ABCA12: variants seen among roughly 807,000 people sequenced by gnomAD.
ABCA12 encodes glucosylceramide transporter ABCA12.
In ABCA12, 156 loss-of-function variants were observed where a neutral mutation model predicts 293.5. That is an observed-to-expected ratio of 0.53 (90% CI 0.47 to 0.61). The LOEUF (loss-of-function observed/expected upper bound fraction) is 0.61. Among genes scored for constraint, ABCA12 ranks in the 20% least tolerant of loss-of-function variants. ABCA12 has a pLI of 0.00. For missense variants in ABCA12, 2,797 were observed against 3,090.2 expected, an observed-to-expected ratio of 0.91 and a Z score of 2.25; for synonymous variants, 1,063 against 1,108.0, an observed-to-expected ratio of 0.96 and a Z score of 0.81.
At chr2:215,090,759 T>C (rs1702126090) in intron 2 of ABCA12, among the ~76,000 whole-genome samples, 1 of 152,142 alleles carries the variant, frequency 6.6e-6, no homozygotes, top group Admixed American at 6.5e-5. Context: ...AAGTACCCAC[T>C]GCCCTCTCTC....
In ABCA12 at chr2:215,111,546, T is replaced by G. The variant is rs773417521; in HGVS notation, c.163+51A>C. On this transcript the variant is annotated intron_variant, in intron 2 of 52. Coordinates refer to ENST00000272895, the MANE Select transcript of ABCA12 (RefSeq NM_173076.3). ...AACACTAAAGTGGTACCAAAATAAA[T>G]TTTAACTAGAATCCAAAAATTAAGG... is the stretch of plus-strand genomic sequence containing the variant. 4 of 1,481,030 alleles carry G rather than the reference T, an allele frequency of 2.7e-6. No individual in the cohort carries two copies. The African/African-American group carries it at 5.5e-5, about 21-fold the overall frequency. 91.7% of individuals were successfully genotyped at this position (1,481,030 alleles called of 1,614,324 possible). A position where few individuals can be genotyped will look rare whatever the true frequency, so the allele number is the denominator to read the frequency against.
chr2:215,036,641 A>G (rs1701000506), intron 8 of ABCA12, among the ~76,000 whole-genome samples: 1 of 152,202 alleles, frequency 6.6e-6, no homozygotes, highest in Admixed American at 6.5e-5. Flanking sequence ...TTCAAATAAT[A>G]AGGTAGAAAT....
chr2:215,106,457 T>C (rs1702465771), intron 2 of ABCA12, among the ~76,000 whole-genome samples: 2 of 152,208 alleles, frequency 1.3e-5, no homozygotes, highest in Admixed American at 1.3e-4. Context: ...GTGACACCCA[T>C]GACCCAGATA....
intron 6 of ABCA12, among the ~76,000 whole-genome samples, chr2:215,047,761 G>C (rs1450705168): frequency 6.6e-6 from 1 of 152,098 alleles, no homozygotes; most frequent in Non-Finnish European, 1.5e-5. Context: ...ACAGGAAATG[G>C]TAAATATTTT....
chr2:215,000,628 C>T, intron 22 of ABCA12, 77 bp downstream of exon 22: 2 of 1,534,464 alleles, frequency 1.3e-6, no homozygotes, highest in East Asian at 2.2e-5. Context: ...TCATGTAATA[C>T]ATCTGAATGA....
At chr2:215,087,002 G>T (rs1390870740) in intron 2 of ABCA12, among the ~76,000 whole-genome samples, 1 of 151,736 alleles carries the variant, frequency 6.6e-6, no homozygotes, top group Non-Finnish European at 1.5e-5. Flanking sequence ...GAGTGCAATG[G>T]CGCAATCTTG....
chr2:214,978,250 G>C (rs2105961185), intron 33 of ABCA12, 66 bp downstream of exon 33: 2 of 1,580,144 alleles, frequency 1.3e-6, no homozygotes, highest in Non-Finnish European at 1.7e-6. Context: ...ATCAAAGTCT[G>C]TCTGTGATTT....
In ABCA12 at chr2:214,947,548, A is replaced by T. The variant is rs754933913; in HGVS notation, c.7113T>A (p.His2371Gln). The change falls in exon 48 of 53, where the codon CAT (histidine) becomes CAA (glutamine). Residue 2371 changes from histidine to glutamine, a missense_variant. Physicochemically the swap from His to Gln is conservative, Grantham distance 24. This residue lies in a region of ABCA12 where 2,130 missense variants were observed against 2,427.0 expected (regional missense o/e 0.88). Coordinates refer to ENST00000272895, the MANE Select transcript of ABCA12 (RefSeq NM_173076.3). ...TCAGGTGAAGTCTCCTAAGGAGTTT[A>T]TGAACAGTCTGTAGGCAATAAAAGG... The part of the protein sequence containing the change: ...IPEKDIKETV[H>Q]KLLRRLHLMP... 1.1e-5 allele frequency: 17 copies of T among 1,613,876 alleles called. No homozygotes were observed. Among genetic ancestry groups the T allele is most frequent in the African/African-American group, 8.0e-5 (6 of 75,038 alleles).
intron 31 of ABCA12, among the ~76,000 whole-genome samples, chr2:214,979,611 A>G (rs1231454433): frequency 6.6e-6 from 1 of 152,050 alleles, no homozygotes; most frequent in Non-Finnish European, 1.5e-5. Flanking sequence ...TTACTTATTG[A>G]TCGTATCATC....
chr2:215,127,392 C>T (rs1045455654), intron 1 of ABCA12, among the ~76,000 whole-genome samples: 5 of 152,084 alleles, frequency 3.3e-5, no homozygotes, highest in African/African-American at 7.2e-5. Context: ...CAGTGGAGTA[C>T]TGAAGTCCCC....
intron 15 of ABCA12, among the ~76,000 whole-genome samples, chr2:215,015,161 T>TA (rs1553533558): frequency 8.0e-6 from 1 of 124,960 alleles, no homozygotes; most frequent in African/African-American, 2.5e-5. Flanking sequence ...TGTTCACTGT[T>TA]AAAAAAATAA....
rs1284340502 is a variant in ABCA12, at chr2:214,976,124, AT to A, written c.5129-88del. The A allele has an allele frequency of 2.6e-6, 4 of 1,529,284 alleles. No individual in the cohort carries two copies. In the African/African-American group the frequency reaches 5.5e-5, roughly 21 times the overall value. 94.7% of individuals were successfully genotyped at this position (1,529,284 alleles called of 1,614,324 possible). A position where few individuals can be genotyped will look rare whatever the true frequency, so the allele number is the denominator to read the frequency against. On this transcript the variant is annotated intron_variant, in intron 33 of 52. Coordinates refer to ENST00000272895, the MANE Select transcript of ABCA12 (RefSeq NM_173076.3). ...TCAGAAACTATATATAAATGGTATAATACACTGTGGTGGGAAAAGCTTTTAA... is the reference window on the plus strand; with the variant it reads ...TCAGAAACTATATATAAATGGTATAAACACTGTGGTGGGAAAAGCTTTTAA...
At chr2:215,051,731 GA>G (rs1701325719) in intron 5 of ABCA12, among the ~76,000 whole-genome samples, 1 of 150,514 alleles carries the variant, frequency 6.6e-6, no homozygotes, top group Admixed American at 6.7e-5. Flanking sequence ...TGTTGAAAAT[GA>G]AGTCTTTTCA....
chr2:215,134,616 T>TAGAGAGAG (rs1212910485), intron 1 of ABCA12, among the ~76,000 whole-genome samples: 6 of 80,650 alleles, frequency 7.4e-5, no homozygotes, highest in African/African-American at 3.9e-4. Context: ...TATATATATA[T>TAGAGAGAG]AGAGAGAGAG....
intron 3 of ABCA12, among the ~76,000 whole-genome samples, chr2:215,058,841 G>GA (rs547356748): frequency 5.7e-4 from 85 of 150,318 alleles, no homozygotes; most frequent in African/African-American, 1.9e-3. Flanking sequence ...TCATTCTGAG[G>GA]AAAAAAAAAC....
intron 11 of ABCA12, chr2:215,025,340 T>C (rs4673931): frequency 1 from 252,581 of 253,026 alleles, 126,071 homozygotes; most frequent in East Asian, 1. Context: ...CACTGTCACT[T>C]AGGCTGGAGC....
At chr2:215,083,402 T>C (rs954304663) in intron 2 of ABCA12, among the ~76,000 whole-genome samples, 1 of 152,126 alleles carries the variant, frequency 6.6e-6, no homozygotes, top group African/African-American at 2.4e-5. Flanking sequence ...CAGGGTTCAG[T>C]ACGAAGGTAT....
rs751617602 is a variant in ABCA12, at chr2:214,990,781, A to G, written c.3545T>C (p.Ile1182Thr). The change falls in exon 24 of 53, where the codon ATC (isoleucine) becomes ACC (threonine). Residue 1182 changes from isoleucine to threonine, a missense_variant. This residue lies in a region of ABCA12 where 2,130 missense variants were observed against 2,427.0 expected (regional missense o/e 0.88). Coordinates refer to ENST00000272895, the MANE Select transcript of ABCA12 (RefSeq NM_173076.3). ...TNIAALIGSL[I>T]YIIAFFPFIV... The stretch of plus-strand genomic sequence containing the variant: ...AAATGGAAAGAAGGCAATGATGTAG[A>G]TGAGGCTTCCGATCAGAGCTGCAAT... 16 of 1,614,066 alleles carry G rather than the reference A, an allele frequency of 9.9e-6. No individual in the cohort carries two copies. The highest frequency in any genetic ancestry group is 1.4e-5 in the Non-Finnish European group (16 of 1,180,012).
At chr2:215,065,297 TAAAAAAAAAAA>T (rs66466863) in intron 2 of ABCA12, among the ~76,000 whole-genome samples, 71 of 45,136 alleles carry the variant, frequency 1.6e-3, no homozygotes, top group African/African-American at 5.9e-3. Flanking sequence ...CATGAATGTG[TAAAAAAAAAAA>T]AAAAAAAAAA....
Sources: gnomAD v4.1 joint callset for allele counts (sites outside exome capture counted in the v4.1 genomes callset) on GRCh38, gnomAD v4.1.1 for gene constraint, gnomAD v4.1.1 regional missense constraint, MANE v1.5 for transcripts, NCBI Gene and HGNC (gene_info 2026-07-23, HGNC 2026-07-21) for gene names.